The following ACSM3 variants were observed in gnomAD, a reference collection of about 807,000 sequenced individuals.
ACSM3 encodes the protein acyl-coenzyme A synthetase ACSM3, mitochondrial.
In ACSM3, 61 loss-of-function variants were observed where a neutral mutation model predicts 74.1. The observed-to-expected ratio is 0.82, with a 90% confidence interval of 0.67 to 1.02. ACSM3 has a LOEUF of 1.02. ACSM3 is among the 50% of genes least tolerant of loss of function. ACSM3 has a pLI of 0.00. For synonymous variants in ACSM3, 213 were observed against 241.5 expected (o/e 0.88, Z 1.09); for missense variants, 660 against 697.0 (o/e 0.95, Z 0.60).
At chr16:20,698,580 C>T (rs2079702793) in intron 1 of ACSM3, among the ~76,000 whole-genome samples, 1 of 152,140 alleles carries the variant, frequency 6.6e-6, no homozygotes, top group Non-Finnish European at 1.5e-5. Context: ...ATGGTCTTGG[C>T]TCACTGCAAC....
chr16:20,777,513 CT>C lies in ACSM3; in HGVS notation c.572del (p.Leu191ArgfsTer5). The C allele has an allele frequency of 6.2e-7, 1 of 1,614,082 alleles. No homozygotes were observed. ...CGCTGTTGCATCCAAATGTGAAAAT[CT>C]GCACTCCAAGCTGATTGTATCAGAG... ...VDAVASKCEN[L>X]HSKLIVSENS... On this transcript the variant is annotated frameshift_variant, in exon 4 of 14. Coordinates refer to ENST00000289416, the MANE Select transcript of ACSM3 (RefSeq NM_005622.4). LOFTEE classifies it high-confidence loss of function.
intron 1 of ACSM3, chr16:20,719,281 G>A (rs2079777374): frequency 1.3e-5 from 3 of 234,710 alleles, no homozygotes; most frequent in Non-Finnish European, 1.9e-5. Flanking sequence ...TCTGACACAG[G>A]CTGGGTCAAG....
chr16:20,754,952 AG>A (rs778291644), intron 2 of ACSM3, among the ~76,000 whole-genome samples: 2 of 152,064 alleles, frequency 1.3e-5, no homozygotes, highest in Non-Finnish European at 2.9e-5. Context: ...AAGATTTTAG[AG>A]GGGCAGAGGA....
At position 20,780,739 on chromosome 16, in the gene ACSM3, G is replaced by A. The variant is rs778037946; in HGVS notation, c.664G>A (p.Val222Met). ...ACATGCCAGTGACAGCCACACCTGTGTGAAGACAAAACACAATGAGATCAT... is the reference window on the plus strand; with the variant it reads ...ACATGCCAGTGACAGCCACACCTGTATGAAGACAAAACACAATGAGATCAT... ...MKHASDSHTC[V>M]KTKHNEIMAI... is the part of the protein sequence containing the mutation. Residue 222 changes from valine to methionine, a missense_variant, in exon 5 of 14, where the codon GTG becomes ATG. Physicochemically the swap from Val to Met is conservative, Grantham distance 21. Transcript: ENST00000289416. 8.7e-6 allele frequency: 14 copies of A among 1,614,194 alleles called. No individual in the cohort carries two copies. The highest frequency in any genetic ancestry group is 1.1e-5 in the Non-Finnish European group (13 of 1,180,028).
chr16:20,776,433 C>T (rs1328734828), intron 3 of ACSM3, among the ~76,000 whole-genome samples: 1 of 152,184 alleles, frequency 6.6e-6, no homozygotes, highest in Non-Finnish European at 1.5e-5. Flanking sequence ...CCCCAATCTT[C>T]TTGCCTACTG....
At chr16:20,796,543 T>C in intron 13 of ACSM3, 54 bp downstream of exon 13, 2 of 1,594,522 alleles carry the variant, frequency 1.3e-6, no homozygotes, top group Non-Finnish European at 1.7e-6. Flanking sequence ...CAATTTCAAG[T>C]GTTTATTTTT....
chr16:20,796,808 T>C (rs1339449178), intron 13 of ACSM3, 78 bp from the exon 14 acceptor site: 6 of 1,584,918 alleles, frequency 3.8e-6, no homozygotes, highest in Non-Finnish European at 4.3e-6. Context: ...CTAGAATTCA[T>C]AATCAAACTG....
At chr16:20,706,443 C>T (rs1421002757) in intron 1 of ACSM3, among the ~76,000 whole-genome samples, 1 of 152,216 alleles carries the variant, frequency 6.6e-6, no homozygotes, top group Non-Finnish European at 1.5e-5. Flanking sequence ...CCCCCACTCA[C>T]ATTCCCCAAT....
At chr16:20,716,669 T>C (rs1469411322) in intron 1 of ACSM3, among the ~76,000 whole-genome samples, 2 of 152,210 alleles carry the variant, frequency 1.3e-5, no homozygotes, top group Non-Finnish European at 2.9e-5. Flanking sequence ...CTCACCTGTT[T>C]ACCCTCACGT....
At chr16:20,710,252 C>A (rs112015310) in intron 1 of ACSM3, among the ~76,000 whole-genome samples, 2,409 of 152,258 alleles carry the variant, frequency 0.016, 59 homozygotes, top group African/African-American at 0.055. Context: ...CCAGCTATGG[C>A]CAAATCTCAT....
At chr16:20,679,116 G>A (rs1459498107) in intron 1 of ACSM3, 1 of 152,190 alleles carries the variant, frequency 6.6e-6, no homozygotes, top group African/African-American at 2.4e-5. Context: ...ATACAGGATA[G>A]GCCTCATATT....
chr16:20,711,637 C>T, intron 1 of ACSM3: 1 of 897,926 alleles, frequency 1.1e-6, no homozygotes. Flanking sequence ...CCTGGTGTCT[C>T]CACAAAGCCG....
intron 1 of ACSM3, among the ~76,000 whole-genome samples, chr16:20,768,438 G>T (rs953239517): frequency 3.9e-5 from 6 of 152,136 alleles, no homozygotes; most frequent in Admixed American, 1.3e-4. Flanking sequence ...TCTAGAGTGG[G>T]GCCTGAGAAT....
chr16:20,762,404 G>GA (rs778029493), upstream of ACSM3, among the ~76,000 whole-genome samples: 7 of 150,176 alleles, frequency 4.7e-5, no homozygotes, highest in South Asian at 4.2e-4. Context: ...ACTAGAATGG[G>GA]AAAAAAAAGA....
intron 2 of ACSM3, among the ~76,000 whole-genome samples, chr16:20,751,615 G>T (rs28375028): frequency 0.019 from 2,836 of 152,262 alleles, 82 homozygotes; most frequent in African/African-American, 0.064. Context: ...GTAGAGCTCA[G>T]TGGGGCTCGG....
chr16:20,763,384 G>A (rs2080093179), upstream of ACSM3, among the ~76,000 whole-genome samples: 1 of 152,214 alleles, frequency 6.6e-6, no homozygotes, highest in Admixed American at 6.5e-5. Flanking sequence ...GTTCCAGTCA[G>A]TGGAAACTGT....
intron 1 of ACSM3, among the ~76,000 whole-genome samples, chr16:20,711,894 T>A (rs1264505333): frequency 6.6e-6 from 1 of 152,144 alleles, no homozygotes; most frequent in Non-Finnish European, 1.5e-5. Context: ...ATAATGAGTA[T>A]CCTGCATTAT....
chr16:20,782,346 C>T (rs74011872), intron 7 of ACSM3, among the ~76,000 whole-genome samples: 7,338 of 152,134 alleles, frequency 0.048, 595 homozygotes, highest in African/African-American at 0.17. Context: ...TCCCATCACC[C>T]AAGCAGTATA....
At chr16:20,795,632 C>G in intron 12 of ACSM3, among the ~76,000 whole-genome samples, 1 of 152,234 alleles carries the variant, frequency 6.6e-6, no homozygotes. Flanking sequence ...TCTCCTGGAA[C>G]TGTGCCTACA....
Sources: allele counts gnomAD v4.1 joint callset (sites outside exome capture counted in the v4.1 genomes callset), GRCh38; gene constraint gnomAD v4.1.1; transcripts MANE v1.5; gene names NCBI Gene and HGNC (gene_info 2026-07-23, HGNC 2026-07-21).